Variants in MED13L observed in about 807,000 individuals in gnomAD.
MED13L encodes the protein mediator of RNA polymerase II transcription subunit 13-like.
MED13L carries 7 observed loss-of-function variants against 220.9 expected under a neutral mutation model. The observed-to-expected ratio is 0.03, with a 90% confidence interval of 0.02 to 0.06. The LOEUF (loss-of-function observed/expected upper bound fraction) is 0.06. Ranked by LOEUF, MED13L falls within the 10% of genes least tolerant of loss-of-function variation. MED13L has a pLI of 1.00. For synonymous variants in MED13L, 1,011 were observed against 1,015.2 expected (o/e 1.00, Z 0.08); for missense variants, 1,965 against 2,760.5 (o/e 0.71, Z 6.46).
intron 23 of MED13L, among the ~76,000 whole-genome samples, chr12:115,976,851 T>C (rs1236673353): frequency 6.6e-6 from 1 of 152,158 alleles, no homozygotes; most frequent in African/African-American, 2.4e-5. Context: ...CTGTCACACA[T>C]TCTCCTTTTT....
intron 2 of MED13L, among the ~76,000 whole-genome samples, chr12:116,224,444 G>A (rs1462879063): frequency 6.6e-6 from 1 of 152,090 alleles, no homozygotes; most frequent in African/African-American, 2.4e-5. Context: ...AATACCATGG[G>A]CCCCACATAG....
intron 22 of MED13L, 158 bp downstream of exon 22, chr12:115,982,226 A>C: frequency 1.4e-6 from 1 of 736,914 alleles, no homozygotes; most frequent in Non-Finnish European, 2.2e-6. Context: ...CAAATATTCC[A>C]AAATCGGAAA....
chr12:116,042,883 G>C (rs1881619222), intron 4 of MED13L, among the ~76,000 whole-genome samples: 1 of 152,118 alleles, frequency 6.6e-6, no homozygotes, highest in East Asian at 1.9e-4. Flanking sequence ...TCTGGGTATG[G>C]TGCCATTACA....
At chr12:116,186,363 A>C (rs1880903781) in intron 2 of MED13L, among the ~76,000 whole-genome samples, 1 of 152,232 alleles carries the variant, frequency 6.6e-6, no homozygotes, top group South Asian at 2.1e-4. Flanking sequence ...TACAGAAAGA[A>C]GCAAAGTTTT....
chr12:116,190,258 G>A (rs1017988848), intron 2 of MED13L, among the ~76,000 whole-genome samples: 5 of 152,058 alleles, frequency 3.3e-5, no homozygotes, highest in African/African-American at 1.2e-4. Context: ...CAATTTTTCT[G>A]AGAGTTTTTA....
At chr12:116,196,160 T>C (rs1593153761) in intron 2 of MED13L, among the ~76,000 whole-genome samples, 1 of 152,084 alleles carries the variant, frequency 6.6e-6, no homozygotes, top group East Asian at 1.9e-4. Flanking sequence ...ACAAAGAAAA[T>C]TATAACCTAA....
intron 9 of MED13L, among the ~76,000 whole-genome samples, chr12:116,010,653 T>G (rs1302789549): frequency 6.6e-6 from 1 of 151,846 alleles, no homozygotes; most frequent in Non-Finnish European, 1.5e-5. Flanking sequence ...TGACTGGTGG[T>G]AGGAAGAAAC....
At chr12:116,266,816 TC>T (rs1872869708) in intron 1 of MED13L, among the ~76,000 whole-genome samples, 1 of 152,354 alleles carries the variant, frequency 6.6e-6, no homozygotes, top group East Asian at 1.9e-4. Flanking sequence ...CTATTCATAT[TC>T]AACATGACTA....
intron 2 of MED13L, among the ~76,000 whole-genome samples, chr12:116,138,685 A>C (rs954442526): frequency 1.3e-5 from 2 of 152,246 alleles, no homozygotes; most frequent in South Asian, 4.1e-4. Flanking sequence ...CTCAAAAAAC[A>C]TCTGCAATAT....
intron 29 of MED13L, 149 bp from the exon 30 acceptor site, chr12:115,963,668 A>ACCCC (rs1875929598): frequency 1.4e-6 from 1 of 700,304 alleles, no homozygotes. Context: ...CTGCTCAGTA[A>ACCCC]CCCCCAAGGT....
chr12:115,986,942 G>A (rs970233520), intron 18 of MED13L, among the ~76,000 whole-genome samples, 167 bp downstream of exon 18: 2 of 152,176 alleles, frequency 1.3e-5, no homozygotes, highest in Non-Finnish European at 2.9e-5. Context: ...TAGGAAACTT[G>A]ACTCCAAAAG....
intron 2 of MED13L, among the ~76,000 whole-genome samples, chr12:116,203,550 T>A (rs1882135661): frequency 6.6e-6 from 1 of 152,122 alleles, no homozygotes; most frequent in African/African-American, 2.4e-5. Flanking sequence ...CTGGGCGCAG[T>A]GGCTCACACC....
At position 115,975,658 on chromosome 12, in the gene MED13L, C is replaced by T. The variant is rs767436852; in HGVS notation, c.5445G>A (p.Thr1815=). 37 of 1,613,946 alleles carry T rather than the reference C, an allele frequency of 2.3e-5. No homozygotes were observed. In the South Asian group the frequency reaches 2.9e-4, roughly 12 times the overall value. The change falls in exon 24 of 31, where the codon ACG becomes ACA. Residue 1815 remains threonine (T), a synonymous_variant. Coordinates refer to ENST00000281928, the MANE Select transcript of MED13L (RefSeq NM_015335.5). ...TGTATTTCTGGCTCGCCTCACCAAACGTCTCTCCCAGCTCTGTCTGCTTGT... is the reference window on the plus strand; with the variant it reads ...TGTATTTCTGGCTCGCCTCACCAAATGTCTCTCCCAGCTCTGTCTGCTTGT... The part of the protein sequence containing the change: ...IKDKQTELGE[T]FGEASQKYNV...
At chr12:116,146,338 T>G (rs1339888237) in intron 2 of MED13L, among the ~76,000 whole-genome samples, 1 of 152,094 alleles carries the variant, frequency 6.6e-6, no homozygotes, top group Non-Finnish European at 1.5e-5. Context: ...GCCAAGATGG[T>G]CTCGATCTCC....
intron 2 of MED13L, chr12:116,236,684 C>T (rs1259916291): frequency 1.9e-5 from 4 of 209,566 alleles, no homozygotes; most frequent in African/African-American, 9.4e-5. Context: ...TTGAGAAAAT[C>T]CCTTTGCATA....
chr12:116,171,060 T>C (rs1010784232), intron 2 of MED13L, among the ~76,000 whole-genome samples: 4 of 152,248 alleles, frequency 2.6e-5, no homozygotes, highest in African/African-American at 9.6e-5. Context: ...TCAGTACAAA[T>C]GTCAACAAAG....
At chr12:116,062,083 A>G (rs1232657895) in intron 4 of MED13L, among the ~76,000 whole-genome samples, 1 of 151,244 alleles carries the variant, frequency 6.6e-6, no homozygotes, top group Non-Finnish European at 1.5e-5. Flanking sequence ...ACATGCTAAC[A>G]TTAATACCTT....
chr12:116,074,528 T>C (rs931892318), intron 4 of MED13L, among the ~76,000 whole-genome samples: 1 of 152,240 alleles, frequency 6.6e-6, no homozygotes, highest in African/African-American at 2.4e-5. Flanking sequence ...AATGACACTT[T>C]TTCTTCCATA....
chr12:116,079,475 C>T (rs1871072602), intron 4 of MED13L, among the ~76,000 whole-genome samples: 1 of 152,138 alleles, frequency 6.6e-6, no homozygotes, highest in Non-Finnish European at 1.5e-5. Context: ...ATTCTCCTGC[C>T]TTGGCCTCCC....
Sources: allele counts gnomAD v4.1 joint callset (sites outside exome capture counted in the v4.1 genomes callset), GRCh38; gene constraint gnomAD v4.1.1; transcripts MANE v1.5; gene names NCBI Gene and HGNC (gene_info 2026-07-23, HGNC 2026-07-21).